The following BLTP1 variants were observed in gnomAD, a reference collection of about 807,000 sequenced individuals.
The protein encoded by BLTP1 is bridge-like lipid transfer protein family member 1, also known as fragile site-associated protein.
At chr4:122,254,125 C>T in the BLTP1 span, 13 of 1,439,242 alleles carry the variant, frequency 9.0e-6, no homozygotes, top group African/African-American at 1.4e-5. Context: ...GCACTTAAAA[C>T]ATTAGCCTCT....
At chr4:122,198,248 C>A in the BLTP1 span, 1 of 981,908 alleles carries the variant, frequency 1.0e-6, no homozygotes, top group South Asian at 4.7e-5. Flanking sequence ...AATAACTAAC[C>A]CTTATCTAGT....
At chr4:122,279,671 C>A in the BLTP1 span, 4 of 1,287,442 alleles carry the variant, frequency 3.1e-6, no homozygotes, top group East Asian at 1.0e-4. Flanking sequence ...TTTTTGAAGA[C>A]CTCTCAAATT....
the BLTP1 span, chr4:122,208,152 C>G: frequency 2.1e-6 from 2 of 958,518 alleles, no homozygotes; most frequent in Non-Finnish European, 2.5e-6. Flanking sequence ...ATAGAAACAG[C>G]TAACATCTAT....
chr4:122,180,113 A>G, the BLTP1 span: 1 of 985,258 alleles, frequency 1.0e-6, no homozygotes, highest in South Asian at 4.7e-5. Flanking sequence ...GAATGGCTGC[A>G]TTGGATTCTT....
the BLTP1 span, among the ~76,000 whole-genome samples, chr4:122,233,169 C>T: frequency 1.3e-5 from 2 of 152,184 alleles, no homozygotes; most frequent in Non-Finnish European, 2.9e-5. Context: ...ACGAGCCATT[C>T]AGTTGATTCT....
At chr4:122,344,165 G>A in the BLTP1 span, 1 of 394,166 alleles carries the variant, frequency 2.5e-6, no homozygotes. Context: ...TTGGAGAAGG[G>A]TTGTAAAAAT....
chr4:122,215,759 G>A, the BLTP1 span, among the ~76,000 whole-genome samples: 4 of 152,130 alleles, frequency 2.6e-5, no homozygotes, highest in East Asian at 5.8e-4. Context: ...TTCTTTAGTG[G>A]TGATTTCTGA....
At chr4:122,358,431 T>C in the BLTP1 span, among the ~76,000 whole-genome samples, 1 of 152,214 alleles carries the variant, frequency 6.6e-6, no homozygotes, top group Non-Finnish European at 1.5e-5. Context: ...AAAATATGTA[T>C]GTGAGGATTT....
the BLTP1 span, chr4:122,189,397 T>A: frequency 1.0e-6 from 1 of 984,076 alleles, no homozygotes; most frequent in South Asian, 4.7e-5. Context: ...TAGAAAAACG[T>A]TCATTCCAGA....
At chr4:122,185,035 A>G in the BLTP1 span, 2 of 985,244 alleles carry the variant, frequency 2.0e-6, no homozygotes, top group Non-Finnish European at 2.4e-6. Flanking sequence ...AATGATAGCA[A>G]AACGATAGAA....
At chr4:122,331,664 T>C in the BLTP1 span, 1 of 1,434,480 alleles carries the variant, frequency 7.0e-7, no homozygotes, top group Non-Finnish European at 9.1e-7. Context: ...AATGTAATTA[T>C]AGTTATAATG....
At chr4:122,186,006 T>G in the BLTP1 span, 1 of 1,486,262 alleles carries the variant, frequency 6.7e-7, no homozygotes, top group Admixed American at 2.3e-5. Flanking sequence ...AAAAGTTGAC[T>G]AAAAATTTTT....
At chr4:122,359,467 T>C in the BLTP1 span, 1 of 1,506,584 alleles carries the variant, frequency 6.6e-7, no homozygotes, top group South Asian at 1.2e-5. Flanking sequence ...GGCCAGGTCA[T>C]AGATAAAATG....
the BLTP1 span, chr4:122,258,895 T>TA: frequency 8.9e-7 from 1 of 1,128,180 alleles, no homozygotes; most frequent in Non-Finnish European, 1.2e-6. Context: ...AGAGAAAACC[T>TA]AAAATTTTAT....
chr4:122,262,070 G>A, the BLTP1 span: 2 of 889,554 alleles, frequency 2.2e-6, no homozygotes, highest in Non-Finnish European at 2.7e-6. Flanking sequence ...GGTTGCTGAA[G>A]ATAGATAGCT....
the BLTP1 span, among the ~76,000 whole-genome samples, chr4:122,358,711 C>G: frequency 6.6e-6 from 1 of 152,070 alleles, no homozygotes; most frequent in Non-Finnish European, 1.5e-5. Context: ...AAGTTATAAC[C>G]GGAGCTATAT....
the BLTP1 span, among the ~76,000 whole-genome samples, chr4:122,300,657 G>T: frequency 6.6e-6 from 1 of 152,030 alleles, no homozygotes; most frequent in African/African-American, 2.4e-5. Flanking sequence ...AACAAAATCT[G>T]CTTTTTATCT....
the BLTP1 span, among the ~76,000 whole-genome samples, chr4:122,278,712 A>G: frequency 1.3e-5 from 2 of 152,136 alleles, no homozygotes; most frequent in African/African-American, 2.4e-5. Flanking sequence ...GCTCACTGCA[A>G]TCTCCGTCTC....
chr4:122,160,402 AG>A, the BLTP1 span, among the ~76,000 whole-genome samples: 1 of 152,204 alleles, frequency 6.6e-6, no homozygotes, highest in African/African-American at 2.4e-5. Flanking sequence ...TTAAGCAGAG[AG>A]GGTCCTACAA....
Sources: allele counts gnomAD v4.1 joint callset (sites outside exome capture counted in the v4.1 genomes callset), GRCh38; gene constraint gnomAD v4.1.1; transcripts MANE v1.5; gene names NCBI Gene and HGNC (gene_info 2026-07-23, HGNC 2026-07-21).